ANK2: variants seen among roughly 807,000 people sequenced by gnomAD.
The protein encoded by ANK2 is ankyrin-2.
Under a neutral mutation model 360.5 loss-of-function variants are expected in ANK2, and 83 were observed. The ratio of observed to expected loss-of-function variants is 0.23; its 90% CI spans 0.19 to 0.28. ANK2 has a LOEUF of 0.28. Among genes scored for constraint, ANK2 ranks in the 10% least tolerant of loss-of-function variants. ANK2 has a pLI of 1.00. For synonymous variants in ANK2, 1,740 were observed against 1,759.5 expected (o/e 0.99, Z 0.28); for missense variants, 4,201 against 4,795.7 (o/e 0.88, Z 3.66).
intron 37 of ANK2, chr4:113,350,596 C>T (rs2095348992): frequency 1.2e-5 from 3 of 258,712 alleles, no homozygotes; most frequent in Non-Finnish European, 2.3e-5. Flanking sequence ...ATTTTTTAAG[C>T]ACTGACATGA....
chr4:112,769,305 G>A, the ANK2 span, among the ~76,000 whole-genome samples: 2 of 152,170 alleles, frequency 1.3e-5, no homozygotes, highest in Non-Finnish European at 2.9e-5. Flanking sequence ...CTTCAAGTTT[G>A]CCAGTGTCAC....
intron 2 of ANK2, among the ~76,000 whole-genome samples, chr4:113,035,189 T>C (rs1425207114): frequency 6.6e-6 from 1 of 151,586 alleles, no homozygotes; most frequent in African/African-American, 2.4e-5. Flanking sequence ...TGGTGTGTGC[T>C]GCAGGTGGGT....
At chr4:112,887,069 T>C (rs1299045776) in intron 1 of ANK2, among the ~76,000 whole-genome samples, 1 of 152,264 alleles carries the variant, frequency 6.6e-6, no homozygotes, top group African/African-American at 2.4e-5. Context: ...AAATAATTTA[T>C]TTCTCTTTTG....
At chr4:113,271,021 G>A (rs371833990) in intron 14 of ANK2, among the ~76,000 whole-genome samples, 3 of 152,184 alleles carry the variant, frequency 2.0e-5, no homozygotes, top group Non-Finnish European at 2.9e-5. Flanking sequence ...GTTGTAGGGT[G>A]GCTTAGCGTC....
chr4:113,303,079 A>G (rs2075729605), intron 23 of ANK2, among the ~76,000 whole-genome samples: 1 of 152,200 alleles, frequency 6.6e-6, no homozygotes, highest in African/African-American at 2.4e-5. Context: ...ATTAATGGCT[A>G]TTAAATAATA....
chr4:113,141,592 C>G (rs1267279194), intron 1 of ANK2, among the ~76,000 whole-genome samples: 1 of 152,092 alleles, frequency 6.6e-6, no homozygotes, highest in Non-Finnish European at 1.5e-5. Context: ...GGATCAAAAC[C>G]TGGGATTAGT....
intron 1 of ANK2, among the ~76,000 whole-genome samples, chr4:113,171,017 C>CATTTGTCT (rs1476321148): frequency 6.6e-6 from 1 of 152,194 alleles, no homozygotes; most frequent in African/African-American, 2.4e-5. Flanking sequence ...GATAGTCTTA[C>CATTTGTCT]ATTTGTCTGA....
chr4:113,073,755 T>C (rs1162787990), intron 1 of ANK2, among the ~76,000 whole-genome samples: 2 of 152,168 alleles, frequency 1.3e-5, no homozygotes, highest in Non-Finnish European at 2.9e-5. Flanking sequence ...CTCCTGCTGA[T>C]CATCGACGGC....
chr4:113,131,774 G>T (rs533138828), intron 1 of ANK2, among the ~76,000 whole-genome samples: 73 of 152,272 alleles, frequency 4.8e-4, no homozygotes, highest in South Asian at 1.0e-3. Flanking sequence ...GCACACTAAA[G>T]CACAGTAGAT....
chr4:112,852,869 C>T (rs754157395), intron 1 of ANK2, among the ~76,000 whole-genome samples: 5 of 152,174 alleles, frequency 3.3e-5, no homozygotes, highest in Admixed American at 1.3e-4. Context: ...AAAGACAGAT[C>T]GTCGTCTAGG....
chr4:112,926,347 A>G (rs2092551610), intron 2 of ANK2, among the ~76,000 whole-genome samples: 1 of 152,190 alleles, frequency 6.6e-6, no homozygotes, highest in Non-Finnish European at 1.5e-5. Context: ...TTCTTTTTCT[A>G]ATAAAAAAGA....
At chr4:113,118,400 G>A (rs1285943367) in intron 1 of ANK2, among the ~76,000 whole-genome samples, 1 of 152,140 alleles carries the variant, frequency 6.6e-6, no homozygotes, top group Non-Finnish European at 1.5e-5. Flanking sequence ...ATGCTCAATG[G>A]ACTCTTTTTT....
intron 1 of ANK2, among the ~76,000 whole-genome samples, chr4:113,115,244 T>C (rs1054669934): frequency 2.0e-5 from 3 of 152,214 alleles, no homozygotes; most frequent in Admixed American, 2.0e-4. Flanking sequence ...TGAATGACTA[T>C]GTGTATTTCT....
Position 113,189,689 on chromosome 4 carries a change from C to T in ANK2, c.187-6679C>T, listed in dbSNP as rs1428150945. On this transcript the variant is annotated intron_variant, in intron 2 of 45. Transcript: ENST00000357077. ...TGGAATTTCTTTAGTTCTAGCCTCC[C>T]TTTTTGCTTCCTTTCCTTCGAGGTC... Among the ~76,000 whole-genome samples the T allele has an allele frequency of 2.0e-5, 3 of 152,272 alleles. No individual in the cohort carries two copies. The East Asian group carries it at 5.8e-4, about 29-fold the overall frequency.
chr4:113,293,624 ATGT>A, intron 22 of ANK2, 86 bp downstream of exon 22: 1 of 1,291,340 alleles, frequency 7.7e-7, no homozygotes, highest in South Asian at 1.2e-5. Context: ...CACTCACAAG[ATGT>A]TTGGAGCTTT....
At chr4:113,298,804 G>C (rs2153778135) in intron 22 of ANK2, among the ~76,000 whole-genome samples, 1 of 152,232 alleles carries the variant, frequency 6.6e-6, no homozygotes, top group Middle Eastern at 3.4e-3. Context: ...TGTTCTCTAT[G>C]TACGATTCAG....
At chr4:113,102,788 T>C (rs961981633) in intron 1 of ANK2, among the ~76,000 whole-genome samples, 2 of 152,142 alleles carry the variant, frequency 1.3e-5, no homozygotes, top group African/African-American at 2.4e-5. Flanking sequence ...CTTAATCACA[T>C]ACCTAGACGG....
chr4:113,146,290 C>T (rs186723339), intron 1 of ANK2, among the ~76,000 whole-genome samples: 4 of 152,298 alleles, frequency 2.6e-5, no homozygotes, highest in Admixed American at 2.6e-4. Context: ...CAAAGGTGGA[C>T]ATACGTATTA....
the ANK2 span, among the ~76,000 whole-genome samples, chr4:112,795,930 G>A: frequency 1.3e-5 from 2 of 151,382 alleles, no homozygotes; most frequent in South Asian, 4.2e-4. Context: ...TCTGGGAGTA[G>A]CTGGGACTAT....
Sources: gnomAD v4.1 joint callset for allele counts (sites outside exome capture counted in the v4.1 genomes callset) on GRCh38, gnomAD v4.1.1 for gene constraint, MANE v1.5 for transcripts, NCBI Gene and HGNC (gene_info 2026-07-23, HGNC 2026-07-21) for gene names.